The following AFG2A variants were observed in gnomAD, a reference collection of about 807,000 sequenced individuals.
The protein encoded by AFG2A is ATPase family gene 2 protein homolog A.
At chr4:122,998,083 CAGTT>C in the AFG2A span, among the ~76,000 whole-genome samples, 7 of 151,960 alleles carry the variant, frequency 4.6e-5, no homozygotes, top group East Asian at 1.9e-4. Context: ...TTTATTTTTC[CAGTT>C]AGTTGTCTCT....
At chr4:122,944,355 A>G in the AFG2A span, among the ~76,000 whole-genome samples, 44 of 151,828 alleles carry the variant, frequency 2.9e-4, no homozygotes, top group East Asian at 7.0e-3. Flanking sequence ...TTTTTTCTCT[A>G]AACTTCCCTT....
At chr4:122,948,347 A>G in the AFG2A span, among the ~76,000 whole-genome samples, 1 of 151,342 alleles carries the variant, frequency 6.6e-6, no homozygotes, top group Non-Finnish European at 1.5e-5. Flanking sequence ...CTCCATAGAT[A>G]CTAAGGGATG....
the AFG2A span, among the ~76,000 whole-genome samples, chr4:123,216,304 A>G: frequency 6.6e-6 from 1 of 152,150 alleles, no homozygotes; most frequent in Non-Finnish European, 1.5e-5. Flanking sequence ...GTCTTCCTGG[A>G]AGGTGGTTAA....
At chr4:123,073,157 C>T in the AFG2A span, among the ~76,000 whole-genome samples, 1 of 151,240 alleles carries the variant, frequency 6.6e-6, no homozygotes, top group Non-Finnish European at 1.5e-5. Context: ...ATGTTTAAAA[C>T]ATGAATTCCT....
the AFG2A span, among the ~76,000 whole-genome samples, chr4:123,114,342 C>T: frequency 6.6e-6 from 1 of 152,162 alleles, no homozygotes; most frequent in Non-Finnish European, 1.5e-5. Context: ...TGCCCCTTCC[C>T]ACCCAGGAAC....
the AFG2A span, among the ~76,000 whole-genome samples, chr4:123,298,020 A>G: frequency 6.6e-6 from 1 of 152,000 alleles, no homozygotes; most frequent in East Asian, 1.9e-4. Flanking sequence ...CAGCCCTCCT[A>G]AGGATCTTCA....
the AFG2A span, among the ~76,000 whole-genome samples, chr4:123,095,315 T>G: frequency 6.6e-6 from 1 of 152,016 alleles, no homozygotes; most frequent in East Asian, 1.9e-4. Context: ...TATACTTTTG[T>G]TACTACTCAG....
At chr4:123,277,822 C>G in the AFG2A span, among the ~76,000 whole-genome samples, 1 of 152,166 alleles carries the variant, frequency 6.6e-6, no homozygotes, top group Non-Finnish European at 1.5e-5. Context: ...AGGGATAAAG[C>G]CTACTTGATC....
the AFG2A span, among the ~76,000 whole-genome samples, chr4:123,158,439 T>C: frequency 6.6e-6 from 1 of 152,180 alleles, no homozygotes; most frequent in Admixed American, 6.5e-5. Flanking sequence ...TGATATAAAC[T>C]CATTAGAAAG....
At chr4:123,055,582 A>G in the AFG2A span, among the ~76,000 whole-genome samples, 6 of 152,210 alleles carry the variant, frequency 3.9e-5, no homozygotes, top group Non-Finnish European at 8.8e-5. Flanking sequence ...TGTTTAGGAA[A>G]TACTTAAGTC....
chr4:123,140,516 A>AC, the AFG2A span, among the ~76,000 whole-genome samples: 1 of 151,538 alleles, frequency 6.6e-6, no homozygotes, highest in East Asian at 1.9e-4. Context: ...TTTTTAAAAA[A>AC]GCGATTCTTT....
At chr4:123,006,958 T>C in the AFG2A span, among the ~76,000 whole-genome samples, 1 of 151,782 alleles carries the variant, frequency 6.6e-6, no homozygotes, top group Non-Finnish European at 1.5e-5. Context: ...CTTTCTTCTC[T>C]TTTTGTAAAA....
At chr4:123,265,655 G>A in the AFG2A span, among the ~76,000 whole-genome samples, 1 of 152,084 alleles carries the variant, frequency 6.6e-6, no homozygotes, top group African/African-American at 2.4e-5. Flanking sequence ...ATATGAATGA[G>A]AGGCTGGTTA....
the AFG2A span, among the ~76,000 whole-genome samples, chr4:123,208,518 A>G: frequency 6.6e-6 from 1 of 152,238 alleles, no homozygotes; most frequent in African/African-American, 2.4e-5. Context: ...AGCAGACTAT[A>G]TAGCCACTGA....
the AFG2A span, chr4:123,057,418 G>C: frequency 1.1e-6 from 1 of 939,088 alleles, no homozygotes; most frequent in South Asian, 1.9e-5. Context: ...AAAGTTTTCA[G>C]TTTTTGTAAT....
the AFG2A span, among the ~76,000 whole-genome samples, chr4:123,185,290 C>G: frequency 2.0e-5 from 3 of 151,732 alleles, no homozygotes; most frequent in East Asian, 5.8e-4. Flanking sequence ...GCCCATTTTA[C>G]TGTGTTTTAT....
At chr4:123,273,929 T>C in the AFG2A span, among the ~76,000 whole-genome samples, 1,622 of 152,244 alleles carry the variant, frequency 0.011, 38 homozygotes, top group African/African-American at 0.037. Flanking sequence ...AGGTAATCTC[T>C]TAGTCTTCTG....
At chr4:122,943,212 T>G in the AFG2A span, among the ~76,000 whole-genome samples, 2 of 152,228 alleles carry the variant, frequency 1.3e-5, no homozygotes, top group Non-Finnish European at 2.9e-5. Flanking sequence ...GTCTTGTTGA[T>G]CTGTCTAATG....
chr4:123,069,378 C>CAACCATACTTAGAGCATATA, the AFG2A span, among the ~76,000 whole-genome samples: 1 of 152,140 alleles, frequency 6.6e-6, no homozygotes, highest in South Asian at 2.1e-4. Flanking sequence ...TGTGTTTCTA[C>CAACCATACTTAGAGCATATA]AACCATACTT....
Sources: gnomAD v4.1 joint callset for allele counts (sites outside exome capture counted in the v4.1 genomes callset) on GRCh38, gnomAD v4.1.1 for gene constraint, MANE v1.5 for transcripts, NCBI Gene and HGNC (gene_info 2026-07-23, HGNC 2026-07-21) for gene names.